Variants in POLN observed in about 807,000 individuals in gnomAD.
POLN encodes DNA polymerase nu, also known as DNA polymerase N.
In POLN, 108 loss-of-function variants were observed where a neutral mutation model predicts 113.5. The observed-to-expected ratio is 0.95, with a 90% confidence interval of 0.81 to 1.12. POLN has a LOEUF of 1.12. Among genes scored for constraint, POLN ranks in the 50% most tolerant of loss-of-function variants. The probability of loss-of-function intolerance (pLI) is 0.00; values close to 1 mark genes in which losing one functional copy is unlikely to be tolerated. For synonymous variants in POLN, 386 were observed against 391.5 expected, an observed-to-expected ratio of 0.99 and a Z score of 0.17; for missense variants, 1,097 against 1,077.1, an observed-to-expected ratio of 1.02 and a Z score of -0.26.
intron 16 of POLN, among the ~76,000 whole-genome samples, chr4:2,146,335 G>A (rs1300905967): frequency 9.4e-6 from 1 of 105,970 alleles, no homozygotes; most frequent in Admixed American, 1.0e-4. Context: ...ACGAAACTCC[G>A]TTTCTACTAA....
intron 20 of POLN, 107 bp from the exon 21 acceptor site, chr4:2,085,851 G>T: frequency 1.4e-6 from 2 of 1,476,164 alleles, no homozygotes; most frequent in Non-Finnish European, 1.8e-6. Flanking sequence ...TTTTCTGATG[G>T]GTTGGGATGG....
At chr4:2,241,469 G>C (rs1734985171) in intron 2 of POLN, 51 bp downstream of exon 2, 1 of 984,042 alleles carries the variant, frequency 1.0e-6, no homozygotes, top group Non-Finnish European at 1.2e-6. Flanking sequence ...CCGTACGTAA[G>C]AAGACGCAAA....
chr4:2,181,353 C>T (rs1177285388), intron 7 of POLN, among the ~76,000 whole-genome samples: 2 of 152,044 alleles, frequency 1.3e-5, no homozygotes, highest in East Asian at 1.9e-4. Flanking sequence ...ACCATGTTGG[C>T]CAGGCTGGTC....
rs1438089057 is a variant in POLN at position 2,093,347 on chromosome 4, G to A, written c.2065+2504C>T. ...TCACTTGGAGGCATTTACTGACATG[G>A]CACAGAAGTGAAGTAGGACTCAGAC... On this transcript the variant is annotated intron_variant, in intron 20 of 25. Coordinates refer to ENST00000511885, the MANE Select transcript of POLN (RefSeq NM_181808.4). The surrounding 1 kb of genome is among the most constrained non-coding windows in gnomAD (Gnocchi z 4.1). Among the ~76,000 whole-genome samples, 2 of 152,242 alleles carry A rather than the reference G, an allele frequency of 1.3e-5. No homozygotes were observed. The highest frequency in any genetic ancestry group is 4.8e-5 in the African/African-American group (2 of 41,464).
chr4:2,212,069 A>G (rs1734006998), intron 4 of POLN, among the ~76,000 whole-genome samples: 1 of 152,148 alleles, frequency 6.6e-6, no homozygotes, highest in African/African-American at 2.4e-5. Flanking sequence ...GACAGGTCCT[A>G]TTATCTCACT....
intron 22 of POLN, 125 bp from the exon 23 acceptor site, chr4:2,081,161 G>C: frequency 1.3e-6 from 2 of 1,596,980 alleles, no homozygotes; most frequent in Non-Finnish European, 1.7e-6. Context: ...TGAGCTGTCT[G>C]AGTGCCAGGG....
chr4:2,140,101 C>CA (rs991438992), intron 16 of POLN: 1 of 149,376 alleles, frequency 6.7e-6, no homozygotes, highest in African/African-American at 2.4e-5. Flanking sequence ...TTTTTTGAGA[C>CA]AGAGTCTCAC....
At chr4:2,079,289 A>G in intron 23 of POLN, 1 of 517,196 alleles carries the variant, frequency 1.9e-6, no homozygotes, top group Non-Finnish European at 2.5e-6. Context: ...TTTGGCTTTC[A>G]GTTCCTGCCA....
At chr4:2,089,351 G>A in intron 20 of POLN, 2 of 1,387,334 alleles carry the variant, frequency 1.4e-6, no homozygotes, top group Non-Finnish European at 2.0e-6. Flanking sequence ...GACTGACAGT[G>A]ATTTGCTAAT....
intron 19 of POLN, among the ~76,000 whole-genome samples, chr4:2,109,731 C>T (rs1336013390): frequency 6.6e-6 from 1 of 151,898 alleles, no homozygotes; most frequent in Admixed American, 6.6e-5. Context: ...GCATGTTTTT[C>T]CTTATCCTTT....
chr4:2,139,018 G>C lies in POLN; in HGVS notation c.1732-7728C>G, dbSNP rs187372496. Among the ~76,000 whole-genome samples the C allele has an allele frequency of 9.2e-5, 14 of 152,252 alleles. No individual in the cohort carries two copies. The East Asian group carries it at 1.9e-3, about 21-fold the overall frequency. Reference sequence around the variant, plus strand: ...ACTGGTGAGCATGTGCGCAGGCATGGAAGCTGCCGGGAAAGGAGATGCTCA... The same window carrying C: ...ACTGGTGAGCATGTGCGCAGGCATGCAAGCTGCCGGGAAAGGAGATGCTCA... On this transcript the variant is annotated intron_variant, in intron 16 of 25. Coordinates refer to ENST00000511885, the MANE Select transcript of POLN (RefSeq NM_181808.4).
chr4:2,240,652 G>A, intron 2 of POLN: 2 of 1,613,826 alleles, frequency 1.2e-6, no homozygotes, highest in Non-Finnish European at 1.7e-6. Flanking sequence ...AATTTCTCCA[G>A]CTCTTTATCA....
At chr4:2,207,382 A>C (rs1733872836) in intron 5 of POLN, among the ~76,000 whole-genome samples, 1 of 152,096 alleles carries the variant, frequency 6.6e-6, no homozygotes, top group Non-Finnish European at 1.5e-5. Flanking sequence ...TGAAAAGGAA[A>C]GGTTTTTAAA....
chr4:2,175,752 C>T (rs946691538), intron 9 of POLN, among the ~76,000 whole-genome samples: 13 of 152,226 alleles, frequency 8.5e-5, no homozygotes, highest in Admixed American at 2.6e-4. Flanking sequence ...TCACATCACC[C>T]GGGCCACTCC....
chr4:2,168,574 G>T (rs1732785390), intron 13 of POLN, among the ~76,000 whole-genome samples: 1 of 152,258 alleles, frequency 6.6e-6, no homozygotes, highest in African/African-American at 2.4e-5. Flanking sequence ...AGAAGAGAGT[G>T]ATGCGTCCTT....
intron 2 of POLN, chr4:2,234,514 A>C (rs1171435974): frequency 1.3e-5 from 2 of 153,796 alleles, no homozygotes; most frequent in Non-Finnish European, 2.9e-5. Flanking sequence ...GCTCCACCCC[A>C]CCTTTCCTCT....
chr4:2,125,577 T>TG (rs1176122046), intron 19 of POLN, among the ~76,000 whole-genome samples: 23 of 151,984 alleles, frequency 1.5e-4, no homozygotes, highest in Non-Finnish European at 2.9e-4. Flanking sequence ...CGCCAGCACC[T>TG]GGGGTGGGGT....
intron 24 of POLN, 94 bp downstream of exon 24, chr4:2,075,358 A>G: frequency 2.9e-6 from 4 of 1,357,144 alleles, no homozygotes; most frequent in Non-Finnish European, 4.1e-6. Context: ...AAGGGAAGAC[A>G]GCTGAGGGGC....
intron 16 of POLN, among the ~76,000 whole-genome samples, chr4:2,141,721 C>T (rs1732005709): frequency 6.6e-6 from 1 of 152,158 alleles, no homozygotes; most frequent in Admixed American, 6.5e-5. Flanking sequence ...CAGTGAGAAC[C>T]CAGAAAACAT....
Sources: gnomAD v4.1 joint callset for allele counts (sites outside exome capture counted in the v4.1 genomes callset) on GRCh38, gnomAD v4.1.1 for gene constraint, Gnocchi (gnomAD v3.1) non-coding constraint, MANE v1.5 for transcripts, NCBI Gene and HGNC (gene_info 2026-07-23, HGNC 2026-07-21) for gene names.